Variants in BAZ2B observed in about 807,000 individuals in gnomAD.
BAZ2B encodes the protein bromodomain adjacent to zinc finger domain protein 2B.
A neutral mutation model predicts 246.0 loss-of-function variants in BAZ2B; 91 were observed. The ratio of observed to expected loss-of-function variants is 0.37; its 90% CI spans 0.31 to 0.44. BAZ2B has a LOEUF of 0.44. Among genes scored for constraint, BAZ2B ranks in the 20% least tolerant of loss-of-function variants. BAZ2B has a pLI of 1.00. For synonymous variants in BAZ2B, 855 were observed against 860.0 expected, an observed-to-expected ratio of 0.99 and a Z score of 0.10; for missense variants, 2,332 against 2,533.7, an observed-to-expected ratio of 0.92 and a Z score of 1.71.
chr2:159,556,366 T>C (rs1241564824), intron 1 of BAZ2B, among the ~76,000 whole-genome samples: 2 of 145,368 alleles, frequency 1.4e-5, no homozygotes, highest in African/African-American at 5.7e-5. Flanking sequence ...TATCAAAAGA[T>C]TGAAAATATC....
the BAZ2B span, chr2:159,670,911 G>C: frequency 3.9e-5 from 6 of 152,156 alleles, no homozygotes; most frequent in Non-Finnish European, 7.4e-5. Context: ...ATTCTGGACT[G>C]ACTGATTTAT....
intron 2 of BAZ2B, among the ~76,000 whole-genome samples, chr2:159,535,892 T>C (rs1200539805): frequency 6.6e-6 from 1 of 152,238 alleles, no homozygotes; most frequent in Non-Finnish European, 1.5e-5. Flanking sequence ...GCTAAACATA[T>C]CTGTGTGGCA....
chr2:159,495,844 T>C (rs1164496567), intron 2 of BAZ2B, among the ~76,000 whole-genome samples: 1 of 151,046 alleles, frequency 6.6e-6, no homozygotes, highest in Non-Finnish European at 1.5e-5. Context: ...TTCGGCTCAC[T>C]GGAAGCTCTG....
chr2:159,551,016 T>C (rs888793536), intron 2 of BAZ2B, among the ~76,000 whole-genome samples: 1 of 152,088 alleles, frequency 6.6e-6, no homozygotes. Flanking sequence ...TGTTTATTAT[T>C]TTGTAGAGAC....
chr2:159,389,308 CTT>C (rs1403440491), intron 21 of BAZ2B, 35 bp downstream of exon 21: 2 of 1,520,274 alleles, frequency 1.3e-6, no homozygotes, highest in Non-Finnish European at 1.8e-6. Context: ...AAAAATTAAA[CTT>C]ATGAATGAAA....
chr2:159,415,890 C>CT (rs2067626215), intron 13 of BAZ2B, among the ~76,000 whole-genome samples: 2 of 152,336 alleles, frequency 1.3e-5, no homozygotes, highest in African/African-American at 4.8e-5. Flanking sequence ...AGACTATACA[C>CT]TTTAATCTTC....
At chr2:159,409,975 T>G (rs1042435538) in intron 14 of BAZ2B, among the ~76,000 whole-genome samples, 1 of 152,216 alleles carries the variant, frequency 6.6e-6, no homozygotes, top group Non-Finnish European at 1.5e-5. Flanking sequence ...AATAATTAAC[T>G]TCTACTTTGT....
the BAZ2B span, among the ~76,000 whole-genome samples, chr2:159,701,849 C>T: frequency 6.6e-6 from 1 of 151,832 alleles, no homozygotes; most frequent in Non-Finnish European, 1.5e-5. Context: ...CTGCCTTAGC[C>T]TCCTGAGCAG....
At chr2:159,649,340 A>G in the BAZ2B span, among the ~76,000 whole-genome samples, 16 of 152,072 alleles carry the variant, frequency 1.1e-4, no homozygotes. Flanking sequence ...TTAGATTCTC[A>G]TAAGAAGTGC....
chr2:159,381,453 A>G lies in BAZ2B; in HGVS notation c.4005+1106T>C, dbSNP rs964325809. ...AGTCTTCCAAACCAGACTGCTGGAA[A>G]TCAATCCTACCACTCTAACAACCTA... On this transcript the variant is annotated intron_variant, in intron 25 of 36. Transcript: ENST00000392783. Among the ~76,000 whole-genome samples, 9 of 152,256 alleles carry G rather than the reference A, an allele frequency of 5.9e-5. 1 individual carries two copies. In the East Asian group the frequency reaches 1.4e-3, roughly 23 times the overall value.
chr2:159,605,375 G>A (rs971985733), intron 1 of BAZ2B, among the ~76,000 whole-genome samples: 5 of 152,042 alleles, frequency 3.3e-5, no homozygotes, highest in African/African-American at 1.2e-4. Context: ...GTAGCTGTAG[G>A]ATTATTTTTA....
At chr2:159,703,072 A>G in the BAZ2B span, among the ~76,000 whole-genome samples, 1 of 149,076 alleles carries the variant, frequency 6.7e-6, no homozygotes, top group Non-Finnish European at 1.5e-5. Context: ...CAAACAAAAC[A>G]AAAACAAAAA....
intron 2 of BAZ2B, among the ~76,000 whole-genome samples, chr2:159,487,123 A>AAC (rs2079926638): frequency 6.6e-6 from 1 of 152,150 alleles, no homozygotes; most frequent in South Asian, 2.1e-4. Context: ...GATTGTATTA[A>AAC]TGACAGTTAA....
At chr2:159,579,414 G>A (rs1686167853) in intron 1 of BAZ2B, among the ~76,000 whole-genome samples, 2 of 152,274 alleles carry the variant, frequency 1.3e-5, no homozygotes, top group South Asian at 4.2e-4. Flanking sequence ...AACAAGCTCT[G>A]AAATTGAGGC....
chr2:159,557,429 G>A (rs776540334), intron 1 of BAZ2B, among the ~76,000 whole-genome samples: 2 of 151,972 alleles, frequency 1.3e-5, no homozygotes, highest in African/African-American at 2.4e-5. Flanking sequence ...TCTGTTACCT[G>A]GTGCCCTGAC....
chr2:159,427,819 T>A (rs2070262553), intron 13 of BAZ2B, 122 bp downstream of exon 13: 1 of 705,010 alleles, frequency 1.4e-6, no homozygotes, highest in Middle Eastern at 2.9e-4. Flanking sequence ...CACAAAGTTA[T>A]ATGTATAGCC....
chr2:159,527,246 T>C (rs1426731143), intron 2 of BAZ2B, among the ~76,000 whole-genome samples: 1 of 152,160 alleles, frequency 6.6e-6, no homozygotes, highest in Non-Finnish European at 1.5e-5. Context: ...TCAGCTGACA[T>C]CCGTATAACC....
chr2:159,337,819 T>C, intron 31 of BAZ2B, 47 bp from the exon 32 acceptor site: 1 of 1,544,902 alleles, frequency 6.5e-7, no homozygotes, highest in Non-Finnish European at 8.8e-7. Context: ...CTTAAAATGC[T>C]AGGTGGGTGA....
chr2:159,646,681 G>A, the BAZ2B span, among the ~76,000 whole-genome samples: 1 of 152,104 alleles, frequency 6.6e-6, no homozygotes, highest in African/African-American at 2.4e-5. Context: ...GCTTCAGCTG[G>A]TTCCTCTGTT....
Sources: gnomAD v4.1 joint callset for allele counts (sites outside exome capture counted in the v4.1 genomes callset) on GRCh38, gnomAD v4.1.1 for gene constraint, MANE v1.5 for transcripts, NCBI Gene and HGNC (gene_info 2026-07-23, HGNC 2026-07-21) for gene names.